KCNN2: variants seen among roughly 807,000 people sequenced by gnomAD.
The protein encoded by KCNN2 is potassium calcium-activated channel subfamily N member 2.
A neutral mutation model predicts 55.5 loss-of-function variants in KCNN2; 24 were observed. That is an observed-to-expected ratio of 0.43 (90% CI 0.31 to 0.61). The LOEUF is 0.61. KCNN2 is among the 20% of genes least tolerant of loss of function. KCNN2 has a pLI of 0.08. For missense variants in KCNN2, 754 were observed against 853.6 expected, an observed-to-expected ratio of 0.88 and a Z score of 1.45; for synonymous variants, 431 against 336.1, an observed-to-expected ratio of 1.28 and a Z score of -3.09.
chr5:114,263,831 A>C (rs1755158422), intron 2 of KCNN2, among the ~76,000 whole-genome samples: 1 of 152,148 alleles, frequency 6.6e-6, no homozygotes, highest in African/African-American at 2.4e-5. Context: ...GGGAGTTTGA[A>C]AATTTAGGGA....
rs191222052 is a variant in KCNN2, at chr5:114,379,483, G to T, written c.1218+15482G>T. Among the ~76,000 whole-genome samples, 34 of 109,356 alleles carry T rather than the reference G, an allele frequency of 3.1e-4. 1 individual carries two copies. Among genetic ancestry groups the T allele is most frequent in the Middle Eastern group, 6.0e-3 (1 of 166 alleles). The allele number at this position is 109,356 out of a possible 152,430, so 71.7% of individuals were successfully genotyped here. A position where few individuals can be genotyped will look rare whatever the true frequency, so the allele number is the denominator to read the frequency against. On this transcript the variant is annotated intron_variant, in intron 2 of 7. Coordinates refer to ENST00000673685, the MANE Select transcript of KCNN2 (RefSeq NM_021614.4). The stretch of plus-strand genomic sequence containing the variant: ...TTATATAACATATTATATATTTATA[G>T]AATATATTATATAACATATTATATA...
intron 2 of KCNN2, among the ~76,000 whole-genome samples, chr5:114,237,318 GAA>G (rs11296043): frequency 4.1e-5 from 6 of 147,230 alleles, no homozygotes; most frequent in African/African-American, 2.5e-5. Flanking sequence ...ACACCCCACA[GAA>G]AAAAAAAATG....
At chr5:114,305,072 G>T (rs1371213589) in intron 2 of KCNN2, among the ~76,000 whole-genome samples, 1 of 152,138 alleles carries the variant, frequency 6.6e-6, no homozygotes, top group African/African-American at 2.4e-5. Context: ...TTTAATATTA[G>T]AAATTCTTAA....
At chr5:114,190,601 A>C (rs1028081938) in intron 1 of KCNN2, among the ~76,000 whole-genome samples, 1 of 152,072 alleles carries the variant, frequency 6.6e-6, no homozygotes, top group African/African-American at 2.4e-5. Flanking sequence ...TCTACATAGA[A>C]CCCACTGTAT....
chr5:114,071,749 A>G (rs1482361090), intron 1 of KCNN2, among the ~76,000 whole-genome samples: 2 of 152,188 alleles, frequency 1.3e-5, no homozygotes, highest in African/African-American at 2.4e-5. Context: ...TCATTACAGT[A>G]TCTTTTATGG....
Position 114,163,742 on chromosome 5 carries a change from C to T in KCNN2, c.-270-57738C>T, listed in dbSNP as rs556821833. On this transcript the variant is annotated intron_variant, in intron 1 of 10. Transcript: ENST00000512097. ...AAGGATGTGTGTCTTATTATACACA[C>T]AGTTTAGCATGGCTTTGAGACAACC... Among the ~76,000 whole-genome samples the T allele has an allele frequency of 2.0e-4, 31 of 152,202 alleles. No individual in the cohort carries two copies. The South Asian group carries it at 6.2e-3, about 31-fold the overall frequency.
At chr5:114,130,805 A>T (rs949830774) in intron 1 of KCNN2, among the ~76,000 whole-genome samples, 3 of 152,204 alleles carry the variant, frequency 2.0e-5, no homozygotes, top group Non-Finnish European at 4.4e-5. Flanking sequence ...GCATGTATGT[A>T]TACATCTATG....
intron 1 of KCNN2, among the ~76,000 whole-genome samples, chr5:114,084,747 G>A (rs2112545540): frequency 6.6e-6 from 1 of 151,886 alleles, no homozygotes; most frequent in African/African-American, 2.4e-5. Context: ...AGAACACAAG[G>A]CCACCTAGAT....
intron 1 of KCNN2, among the ~76,000 whole-genome samples, chr5:114,104,784 G>A (rs1385024979): frequency 6.6e-6 from 1 of 151,982 alleles, no homozygotes; most frequent in East Asian, 1.9e-4. Flanking sequence ...TTATATCTCT[G>A]CTGAGGTCTG....
chr5:114,428,601 G>C (rs2150085396), intron 3 of KCNN2, among the ~76,000 whole-genome samples: 1 of 152,116 alleles, frequency 6.6e-6, no homozygotes, highest in Admixed American at 6.5e-5. Flanking sequence ...ATGTCTTTGT[G>C]AAAATTATGT....
intron 2 of KCNN2, among the ~76,000 whole-genome samples, chr5:114,345,424 C>T (rs773651554): frequency 2.0e-5 from 3 of 152,156 alleles, no homozygotes; most frequent in Non-Finnish European, 4.4e-5. Flanking sequence ...TGTTGCATAG[C>T]TCTGACACTT....
intron 3 of KCNN2, among the ~76,000 whole-genome samples, chr5:114,434,959 C>G (rs1473722800): frequency 6.6e-6 from 1 of 152,146 alleles, no homozygotes; most frequent in Non-Finnish European, 1.5e-5. Flanking sequence ...TTGTTAAGAA[C>G]AAAATGTTCT....
At chr5:114,470,381 C>T (rs1761667957) in intron 4 of KCNN2, among the ~76,000 whole-genome samples, 1 of 152,148 alleles carries the variant, frequency 6.6e-6, no homozygotes, top group African/African-American at 2.4e-5. Context: ...CCACCAAGTT[C>T]CTGTAGAACC....
upstream of KCNN2, chr5:114,362,059 C>G (rs1197502148): frequency 1.3e-5 from 2 of 153,574 alleles, no homozygotes; most frequent in African/African-American, 4.8e-5. Flanking sequence ...GCACCAGCAG[C>G]AGGAGTCCCC....
intron 2 of KCNN2, among the ~76,000 whole-genome samples, chr5:114,226,050 CAGTG>C (rs1480314557): frequency 2.6e-5 from 4 of 152,206 alleles, no homozygotes; most frequent in African/African-American, 7.2e-5. Flanking sequence ...ACAGAAGAAA[CAGTG>C]AGTCAGGGAT....
intron 1 of KCNN2, among the ~76,000 whole-genome samples, chr5:114,071,414 A>T (rs1418989838): frequency 6.6e-6 from 1 of 152,208 alleles, no homozygotes; most frequent in Non-Finnish European, 1.5e-5. Context: ...TTTTGTGAAG[A>T]CATGCCTGTT....
At position 114,362,896 on chromosome 5, in the gene KCNN2, G is replaced by A. The variant is rs1757479914; in HGVS notation, c.757G>A (p.Gly253Arg). 1 of 1,595,476 alleles carries A rather than the reference G, an allele frequency of 6.3e-7. No individual in the cohort carries two copies. The highest frequency in any genetic ancestry group is 1.3e-5 in the African/African-American group (1 of 74,718). Reference protein sequence around the residue: ...AQPLQPPASVGGGGGASSPSA... With the variant: ...AQPLQPPASVRGGGGASSPSA... ...GCCCCTGCAGCCCCCCGCGTCTGTC[G>A]GAGGAGGTGGCGGCGCGTCCTCCCC... The change falls in exon 1 of 8, where the codon GGA becomes AGA. Residue 253 changes from glycine (G) to arginine (R), a missense_variant. Transcript: ENST00000673685.
At chr5:114,300,698 C>G (rs1252559302) in intron 2 of KCNN2, among the ~76,000 whole-genome samples, 1 of 152,180 alleles carries the variant, frequency 6.6e-6, no homozygotes, top group Non-Finnish European at 1.5e-5. Context: ...TGAGCTGCTC[C>G]TTTAGCAAAG....
intron 2 of KCNN2, among the ~76,000 whole-genome samples, chr5:114,392,177 T>C (rs1202704919): frequency 2.6e-5 from 4 of 152,188 alleles, no homozygotes; most frequent in African/African-American, 9.7e-5. Context: ...TTGATAGTGT[T>C]GCCTACAACA....
Sources: allele counts gnomAD v4.1 joint callset (sites outside exome capture counted in the v4.1 genomes callset), GRCh38; gene constraint gnomAD v4.1.1; transcripts MANE v1.5; gene names NCBI Gene and HGNC (gene_info 2026-07-23, HGNC 2026-07-21).